Variants in NSUN6 observed in about 807,000 individuals in gnomAD.
The protein encoded by NSUN6 is tRNA (cytosine(72)-C(5))-methyltransferase NSUN6.
NSUN6 carries 64 observed loss-of-function variants against 58.0 expected under a neutral mutation model. The observed-to-expected ratio is 1.10, with a 90% confidence interval of 0.90 to 1.36. The LOEUF is 1.36. Among genes scored for constraint, NSUN6 ranks in the 40% most tolerant of loss-of-function variants. The pLI is 0.00. For missense variants in NSUN6, 701 were observed against 550.1 expected, an observed-to-expected ratio of 1.27 and a Z score of -2.74; for synonymous variants, 231 against 193.9, an observed-to-expected ratio of 1.19 and a Z score of -1.59.
chr10:18,592,703 A>G (rs559682769), intron 7 of NSUN6, among the ~76,000 whole-genome samples: 1 of 152,140 alleles, frequency 6.6e-6, no homozygotes, highest in African/African-American at 2.4e-5. Context: ...TTACACAAAT[A>G]TTAACTCAAG....
At chr10:18,553,702 A>G (rs1186792345) in intron 8 of NSUN6, among the ~76,000 whole-genome samples, 8 of 151,442 alleles carry the variant, frequency 5.3e-5, no homozygotes, top group Non-Finnish European at 1.2e-4. Flanking sequence ...GCAGAATGGA[A>G]TGGAAATGTA....
chr10:18,601,360 G>A (rs2057831643), intron 6 of NSUN6, among the ~76,000 whole-genome samples: 1 of 151,958 alleles, frequency 6.6e-6, no homozygotes, highest in Admixed American at 6.6e-5. Flanking sequence ...TTCTCTGTGG[G>A]CCCAGATTTC....
upstream of NSUN6, chr10:18,653,430 G>A: frequency 2.3e-6 from 1 of 436,958 alleles, no homozygotes; most frequent in Non-Finnish European, 3.0e-6. Flanking sequence ...GGAGTGCAGT[G>A]GTGCTATCTC....
intron 8 of NSUN6, among the ~76,000 whole-genome samples, chr10:18,571,932 C>G (rs1214463560): frequency 1.3e-5 from 2 of 151,684 alleles, no homozygotes; most frequent in Non-Finnish European, 2.9e-5. Flanking sequence ...CCTTTCCATT[C>G]CATTCTCCAT....
upstream of NSUN6, among the ~76,000 whole-genome samples, chr10:18,654,138 C>T (rs2059752000): frequency 6.6e-6 from 1 of 152,146 alleles, no homozygotes; most frequent in African/African-American, 2.4e-5. Flanking sequence ...CTCTGTCGCC[C>T]AGGCTGGAGT....
rs527715199 is a variant in NSUN6 at position 18,564,670 on chromosome 10, A to G, written c.923-12699T>C. On this transcript the variant is annotated intron_variant, in intron 8 of 10. Coordinates refer to ENST00000377304, the MANE Select transcript of NSUN6 (RefSeq NM_182543.5). Reference sequence around the variant, plus strand: ...CACACTGCATTCCACTCTCCATTGCATTCTGTTCTCCATTCCATTCCATTC... The same window carrying G: ...CACACTGCATTCCACTCTCCATTGCGTTCTGTTCTCCATTCCATTCCATTC... 6.8e-5 allele frequency among the ~76,000 whole-genome samples: 10 copies of G among 147,584 alleles called. No homozygotes were observed. The Admixed American group carries it at 6.8e-4, about 10-fold the overall frequency.
chr10:18,556,888 GAATGGAATGGAA>G (rs1262848729), intron 8 of NSUN6, among the ~76,000 whole-genome samples: 1 of 151,004 alleles, frequency 6.6e-6, no homozygotes, highest in Non-Finnish European at 1.5e-5. Flanking sequence ...GAAAGGAAGG[GAATGGAATGGAA>G]AATGGAATGG....
chr10:18,654,230 GTATTA>G (rs1411578951), upstream of NSUN6, among the ~76,000 whole-genome samples: 1 of 152,130 alleles, frequency 6.6e-6, no homozygotes, highest in Non-Finnish European at 1.5e-5. Context: ...TGAGTAGCTG[GTATTA>G]CAGGTGCCTG....
intron 8 of NSUN6, among the ~76,000 whole-genome samples, chr10:18,583,651 G>A (rs1298118575): frequency 1.3e-5 from 2 of 151,976 alleles, no homozygotes; most frequent in Admixed American, 6.6e-5. Context: ...AGATATGGTC[G>A]CCATGTTTCA....
upstream of NSUN6, chr10:18,653,106 A>G (rs1320347624): frequency 1.0e-6 from 1 of 984,852 alleles, no homozygotes; most frequent in African/African-American, 1.7e-5. Flanking sequence ...CATGGTGACC[A>G]TAGCACCACT....
chr10:18,644,512 T>TTTTG (rs990125199), intron 2 of NSUN6, among the ~76,000 whole-genome samples: 2 of 151,558 alleles, frequency 1.3e-5, no homozygotes, highest in Non-Finnish European at 2.9e-5. Flanking sequence ...TTTTTTTTTT[T>TTTTG]TACTGTTAAG....
chr10:18,640,330 T>C (rs751590000), intron 3 of NSUN6, among the ~76,000 whole-genome samples: 105 of 152,170 alleles, frequency 6.9e-4, no homozygotes, highest in Non-Finnish European at 1.3e-3. Flanking sequence ...TAACAGATGA[T>C]TACTTTTATA....
chr10:18,551,060 T>C (rs2054569567), intron 9 of NSUN6, among the ~76,000 whole-genome samples: 1 of 152,140 alleles, frequency 6.6e-6, no homozygotes, highest in Non-Finnish European at 1.5e-5. Context: ...GAGTAATTTA[T>C]TTTATATCTA....
intron 7 of NSUN6, among the ~76,000 whole-genome samples, chr10:18,590,922 C>T (rs572562221): frequency 2.6e-5 from 4 of 151,970 alleles, no homozygotes; most frequent in South Asian, 4.2e-4. Context: ...GACAGAGACA[C>T]AAAAAACCCT....
At chr10:18,618,617 G>A (rs948304183) in intron 3 of NSUN6, among the ~76,000 whole-genome samples, 2 of 151,072 alleles carry the variant, frequency 1.3e-5, no homozygotes, top group African/African-American at 4.9e-5. Flanking sequence ...AGGAGGTGGA[G>A]GTTGCAGTGA....
intron 8 of NSUN6, among the ~76,000 whole-genome samples, chr10:18,567,836 CTCTACTCCATTCCATTT>C (rs1411580038): frequency 1.3e-5 from 2 of 149,824 alleles, no homozygotes; most frequent in African/African-American, 2.4e-5. Flanking sequence ...ACATTCCATT[CTCTACTCCATTCCATTT>C]TCCATTCTAT....
At chr10:18,547,979 G>C (rs977476645) in intron 10 of NSUN6, 133 bp downstream of exon 10, 2 of 857,688 alleles carry the variant, frequency 2.3e-6, no homozygotes, top group African/African-American at 1.7e-5. Context: ...GATTTAATTA[G>C]ATAAGCATTC....
chr10:18,614,924 T>A (rs1480250281), intron 4 of NSUN6, among the ~76,000 whole-genome samples: 1 of 152,166 alleles, frequency 6.6e-6, no homozygotes, highest in African/African-American at 2.4e-5. Flanking sequence ...AGATTTCTTA[T>A]AAATCTTGAC....
intron 6 of NSUN6, among the ~76,000 whole-genome samples, chr10:18,604,685 A>G (rs187551912): frequency 9.5e-4 from 144 of 151,886 alleles, no homozygotes; most frequent in African/African-American, 3.3e-3. Context: ...GGAGTTCAAG[A>G]CCAGCCTGGC....
Sources: allele counts gnomAD v4.1 joint callset (sites outside exome capture counted in the v4.1 genomes callset), GRCh38; gene constraint gnomAD v4.1.1; transcripts MANE v1.5; gene names NCBI Gene and HGNC (gene_info 2026-07-23, HGNC 2026-07-21).